The following METTL16 variants were observed in gnomAD, a reference collection of about 807,000 sequenced individuals.
METTL16 encodes methyltransferase 16, RNA N6-adenosine, also known as RNA N(6)-adenosine-methyltransferase METTL16.
In METTL16, 19 loss-of-function variants were observed where a neutral mutation model predicts 57.9. The ratio of observed to expected loss-of-function variants is 0.33; its 90% CI spans 0.23 to 0.48. The LOEUF is 0.48. Ranked by LOEUF, METTL16 falls within the 20% of genes least tolerant of loss-of-function variation. The pLI is 0.99. For missense variants in METTL16, 434 were observed against 691.5 expected (o/e 0.63, Z 4.18); for synonymous variants, 246 against 255.6 (o/e 0.96, Z 0.36).
chr17:2,438,658 C>T (rs374532458), intron 7 of METTL16, among the ~76,000 whole-genome samples: 2 of 152,124 alleles, frequency 1.3e-5, no homozygotes, highest in African/African-American at 2.4e-5. Context: ...CATGCCACCA[C>T]GCCCAGCTAA....
At chr17:2,491,639 G>A (rs941829204) in intron 2 of METTL16, among the ~76,000 whole-genome samples, 2 of 152,210 alleles carry the variant, frequency 1.3e-5, no homozygotes, top group South Asian at 4.1e-4. Context: ...ACGTTGGGAG[G>A]CCAAGGCGGG....
intron 6 of METTL16, among the ~76,000 whole-genome samples, chr17:2,448,826 AGAGCATCCTGGCCAACATGGTG>A (rs2067046372): frequency 7.3e-6 from 1 of 136,526 alleles, no homozygotes; most frequent in Admixed American, 7.5e-5. Flanking sequence ...AAAAAAAAAA[AGAGCATCCTGGCCAACATGGTG>A]AAACCCCATC....
intron 6 of METTL16, among the ~76,000 whole-genome samples, chr17:2,446,626 A>C (rs1206248091): frequency 1.1e-4 from 13 of 115,266 alleles, no homozygotes; most frequent in African/African-American, 8.1e-4. Context: ...CTCTCCCTCC[A>C]CGGTCTCCTT....
chr17:2,427,430 T>C (rs376729268), intron 8 of METTL16, among the ~76,000 whole-genome samples: 16 of 152,298 alleles, frequency 1.1e-4, no homozygotes, highest in African/African-American at 3.8e-4. Flanking sequence ...ACGTTCCAAA[T>C]GACTTTGAAA....
chr17:2,467,717 C>T (rs767617106), intron 5 of METTL16, 44 bp downstream of exon 5: 80 of 1,495,808 alleles, frequency 5.3e-5, no homozygotes, highest in South Asian at 6.8e-5. Flanking sequence ...TGAGCCACCG[C>T]GCCCAGCCTA....
chr17:2,448,655 CTTGT>C, intron 6 of METTL16, among the ~76,000 whole-genome samples: 1 of 114,084 alleles, frequency 8.8e-6, no homozygotes, highest in African/African-American at 3.7e-5. Flanking sequence ...CCTTTGTTCA[CTTGT>C]TTATCTGCTG....
At chr17:2,466,400 C>T (rs199543630) in intron 5 of METTL16, among the ~76,000 whole-genome samples, 3 of 152,086 alleles carry the variant, frequency 2.0e-5, no homozygotes, top group African/African-American at 7.2e-5. Flanking sequence ...AGCTTAAGAA[C>T]AAAAACAACC....
intron 6 of METTL16, among the ~76,000 whole-genome samples, chr17:2,450,641 A>G (rs956383178): frequency 7.9e-5 from 12 of 152,228 alleles, no homozygotes; most frequent in African/African-American, 2.9e-4. Flanking sequence ...GGTTAACCAT[A>G]TCGTAACGTT....
intron 1 of METTL16, among the ~76,000 whole-genome samples, chr17:2,508,748 C>T (rs1404394594): frequency 6.6e-6 from 1 of 152,150 alleles, no homozygotes; most frequent in Non-Finnish European, 1.5e-5. Context: ...TGAACATTTC[C>T]TTATTAAATC....
At chr17:2,507,721 G>A (rs1339640394) in intron 1 of METTL16, among the ~76,000 whole-genome samples, 1 of 152,246 alleles carries the variant, frequency 6.6e-6, no homozygotes, top group Non-Finnish European at 1.5e-5. Flanking sequence ...GAAATCGGAT[G>A]GTTGCCGTGG....
At chr17:2,500,024 T>A (rs2067475920) in intron 2 of METTL16, among the ~76,000 whole-genome samples, 1 of 151,944 alleles carries the variant, frequency 6.6e-6, no homozygotes, top group South Asian at 2.1e-4. Flanking sequence ...AAAGTGATCT[T>A]AACCCTTATA....
At chr17:2,495,584 A>ACTC (rs1214685676) in intron 2 of METTL16, among the ~76,000 whole-genome samples, 3 of 150,526 alleles carry the variant, frequency 2.0e-5, no homozygotes, top group African/African-American at 4.9e-5. Flanking sequence ...AATCCCAGCT[A>ACTC]GCCAGGAGGC....
intron 6 of METTL16, among the ~76,000 whole-genome samples, chr17:2,463,415 G>A (rs1394719812): frequency 6.6e-6 from 1 of 152,112 alleles, no homozygotes; most frequent in Non-Finnish European, 1.5e-5. Flanking sequence ...CAGAAACACA[G>A]TCTTCGCAGA....
At chr17:2,476,403 T>C (rs1474742976) in intron 3 of METTL16, among the ~76,000 whole-genome samples, 2 of 152,116 alleles carry the variant, frequency 1.3e-5, no homozygotes, top group African/African-American at 2.4e-5. Flanking sequence ...GGCTGAGCCT[T>C]ATGCAAGGAA....
intron 6 of METTL16, among the ~76,000 whole-genome samples, chr17:2,456,765 G>A (rs1038403345): frequency 2.0e-5 from 3 of 151,910 alleles, no homozygotes; most frequent in South Asian, 4.2e-4. Context: ...TACCACACCC[G>A]GACTGTCAAG....
At chr17:2,445,251 T>C (rs976334947) in intron 6 of METTL16, among the ~76,000 whole-genome samples, 3 of 152,160 alleles carry the variant, frequency 2.0e-5, no homozygotes, top group African/African-American at 7.2e-5. Flanking sequence ...TTCAATACCA[T>C]GCTGTACATG....
Position 2,419,095 on chromosome 17 carries a change from G to GTTCTAT in METTL16, c.*869_*874dup, listed in dbSNP as rs2151681318. 6.4e-6 allele frequency: 1 copy of GTTCTAT among 156,298 alleles called. No homozygotes were observed. Among genetic ancestry groups the GTTCTAT allele is most frequent in the South Asian group, 1.9e-4 (1 of 5,194 alleles). 9.7% of individuals were successfully genotyped at this position (156,298 alleles called of 1,614,324 possible). A position where few individuals can be genotyped will look rare whatever the true frequency, so the allele number is the denominator to read the frequency against. ...AGCTACCTACGGCACATACTATTTT[G>GTTCTAT]TTCTATTTCTCATTTCTATCATCAG... On this transcript the variant is annotated 3_prime_UTR_variant, in exon 10 of 10. Transcript: ENST00000263092.
rs554447619 is a variant in METTL16, at chr17:2,473,476, G to A, written c.469+48C>T. The A allele has an allele frequency of 1.2e-4, 180 of 1,556,024 alleles. 1 individual carries two copies. Among genetic ancestry groups the A allele is most frequent in the South Asian group, 5.0e-4 (41 of 82,174 alleles). On this transcript the variant is annotated intron_variant, in intron 4 of 9. Transcript: ENST00000263092. ...GTAATGAAATGCGTTAAACTAAAAA[G>A]GCAGGTGAAGACACAAAGTTTGGAG...
chr17:2,500,648 C>T (rs2067480853), intron 2 of METTL16, among the ~76,000 whole-genome samples: 1 of 152,152 alleles, frequency 6.6e-6, no homozygotes, highest in Non-Finnish European at 1.5e-5. Context: ...AGCTGAATCA[C>T]CACGCCTCTC....
Sources: gnomAD v4.1 joint callset for allele counts (sites outside exome capture counted in the v4.1 genomes callset) on GRCh38, gnomAD v4.1.1 for gene constraint, MANE v1.5 for transcripts, NCBI Gene and HGNC (gene_info 2026-07-23, HGNC 2026-07-21) for gene names.